SLC35F1: variants seen among roughly 807,000 people sequenced by gnomAD.
The protein encoded by SLC35F1 is chromosome 6 open reading frame 169.
SLC35F1 carries 14 observed loss-of-function variants against 48.7 expected under a neutral mutation model. That is an observed-to-expected ratio of 0.29 (90% CI 0.19 to 0.45). SLC35F1 has a LOEUF of 0.45. SLC35F1 is among the 20% of genes least tolerant of loss of function. The pLI is 1.00. For synonymous variants in SLC35F1, 190 were observed against 202.2 expected (o/e 0.94, Z 0.51); for missense variants, 404 against 500.0 (o/e 0.81, Z 1.83).
chr6:118,013,400 G>A (rs1473506018), intron 1 of SLC35F1, among the ~76,000 whole-genome samples: 4 of 152,114 alleles, frequency 2.6e-5, no homozygotes, highest in Non-Finnish European at 5.9e-5. Flanking sequence ...TATTTAGTCT[G>A]AATTTCCCCC....
intron 1 of SLC35F1, among the ~76,000 whole-genome samples, chr6:118,001,990 T>TAC (rs1777104634): frequency 6.8e-6 from 1 of 146,032 alleles, no homozygotes; most frequent in African/African-American, 2.5e-5. Context: ...GGAACACTTT[T>TAC]ACACTGTTGG....
intron 1 of SLC35F1, among the ~76,000 whole-genome samples, chr6:117,944,255 A>G (rs1470244497): frequency 1.3e-5 from 2 of 152,164 alleles, no homozygotes; most frequent in Non-Finnish European, 2.9e-5. Context: ...TGCTTACTAT[A>G]TGCTATCTGT....
At chr6:118,215,675 G>T (rs1775062460) in intron 2 of SLC35F1, among the ~76,000 whole-genome samples, 1 of 152,186 alleles carries the variant, frequency 6.6e-6, no homozygotes, top group South Asian at 2.1e-4. Context: ...TTTTATTAAT[G>T]TAAAATGGCC....
chr6:118,257,999 C>T (rs548422780), intron 3 of SLC35F1, among the ~76,000 whole-genome samples: 1 of 152,156 alleles, frequency 6.6e-6, no homozygotes, highest in Non-Finnish European at 1.5e-5. Context: ...CTTTATTACA[C>T]TCTGATTATT....
At chr6:118,177,789 T>C (rs938220874) in intron 2 of SLC35F1, among the ~76,000 whole-genome samples, 7 of 152,120 alleles carry the variant, frequency 4.6e-5, no homozygotes, top group African/African-American at 7.2e-5. Context: ...TACTATAGAT[T>C]CTAAGTCCCT....
At chr6:118,121,925 T>C (rs1279726602) in intron 1 of SLC35F1, among the ~76,000 whole-genome samples, 2 of 152,150 alleles carry the variant, frequency 1.3e-5, no homozygotes, top group Non-Finnish European at 2.9e-5. Flanking sequence ...CTCCCTACAT[T>C]TGAATAACTA....
chr6:118,144,060 C>T (rs537930613), intron 1 of SLC35F1, among the ~76,000 whole-genome samples: 2 of 152,274 alleles, frequency 1.3e-5, no homozygotes, highest in South Asian at 2.1e-4. Flanking sequence ...CCAGAACTAC[C>T]ATTTGACCCA....
At chr6:118,114,869 T>G (rs1773456195) in intron 1 of SLC35F1, among the ~76,000 whole-genome samples, 1 of 152,202 alleles carries the variant, frequency 6.6e-6, no homozygotes, top group African/African-American at 2.4e-5. Context: ...AATCAAGCAA[T>G]GGGTTGTAAC....
At chr6:118,236,951 C>G (rs1775373427) in intron 3 of SLC35F1, among the ~76,000 whole-genome samples, 1 of 152,100 alleles carries the variant, frequency 6.6e-6, no homozygotes, top group Non-Finnish European at 1.5e-5. Context: ...TTTCTTTTCT[C>G]CAGTTTTTAG....
intron 1 of SLC35F1, among the ~76,000 whole-genome samples, chr6:117,955,315 C>A (rs556983753): frequency 1.3e-5 from 2 of 152,320 alleles, no homozygotes; most frequent in African/African-American, 2.4e-5. Flanking sequence ...ATTTACTCCA[C>A]AAATTATGGA....
intron 1 of SLC35F1, among the ~76,000 whole-genome samples, chr6:118,113,325 G>A (rs1773434989): frequency 6.6e-6 from 1 of 152,110 alleles, no homozygotes; most frequent in Admixed American, 6.5e-5. Flanking sequence ...GACCTTAAGT[G>A]ATCCTCTTGA....
At chr6:118,055,582 A>G (rs1225454053) in intron 1 of SLC35F1, among the ~76,000 whole-genome samples, 3 of 152,144 alleles carry the variant, frequency 2.0e-5, no homozygotes, top group African/African-American at 7.2e-5. Context: ...ACTCAAACCT[A>G]ATGGAGGAGT....
intron 2 of SLC35F1, among the ~76,000 whole-genome samples, chr6:118,206,738 T>C (rs1774940946): frequency 6.6e-6 from 1 of 152,170 alleles, no homozygotes; most frequent in Non-Finnish European, 1.5e-5. Flanking sequence ...ACAGAGGCCA[T>C]CTTGTTACCA....
intron 1 of SLC35F1, among the ~76,000 whole-genome samples, chr6:118,039,696 G>C (rs1175152627): frequency 1.3e-5 from 2 of 150,984 alleles, no homozygotes; most frequent in Non-Finnish European, 3.0e-5. Flanking sequence ...TTGGTCTCCT[G>C]AGATTTCCTT....
intron 2 of SLC35F1, among the ~76,000 whole-genome samples, chr6:118,190,714 T>C (rs973584454): frequency 1.3e-5 from 2 of 152,174 alleles, no homozygotes; most frequent in African/African-American, 4.8e-5. Context: ...ATTGTGACTA[T>C]GGGGAGGATA....
chr6:118,087,374 T>C (rs1057198284), intron 1 of SLC35F1, among the ~76,000 whole-genome samples: 1 of 152,156 alleles, frequency 6.6e-6, no homozygotes, highest in Non-Finnish European at 1.5e-5. Flanking sequence ...TCTGAGGTAC[T>C]GGGGGGCTAG....
At chr6:118,135,476 C>T (rs1174559904) in intron 1 of SLC35F1, among the ~76,000 whole-genome samples, 4 of 152,186 alleles carry the variant, frequency 2.6e-5, no homozygotes, top group Admixed American at 6.5e-5. Context: ...GGTGAAATCT[C>T]CCCTGTTGGA....
chr6:118,120,525 C>A (rs1180114051), intron 1 of SLC35F1, among the ~76,000 whole-genome samples: 1 of 152,178 alleles, frequency 6.6e-6, no homozygotes, highest in Non-Finnish European at 1.5e-5. Flanking sequence ...TTACCCCCTA[C>A]AACTTATCCA....
chr6:118,087,027 G>A (rs1338145616), intron 1 of SLC35F1, among the ~76,000 whole-genome samples: 1 of 152,068 alleles, frequency 6.6e-6, no homozygotes, highest in Non-Finnish European at 1.5e-5. Flanking sequence ...CAGTCCCCCG[G>A]GACCCTAAGG....
Sources: gnomAD v4.1 joint callset for allele counts (sites outside exome capture counted in the v4.1 genomes callset) on GRCh38, gnomAD v4.1.1 for gene constraint, MANE v1.5 for transcripts, NCBI Gene and HGNC (gene_info 2026-07-23, HGNC 2026-07-21) for gene names.